SSH2: variants seen among roughly 807,000 people sequenced by gnomAD.
SSH2 encodes protein phosphatase Slingshot homolog 2.
Under a neutral mutation model 135.2 loss-of-function variants are expected in SSH2, and 37 were observed. That is an observed-to-expected ratio of 0.27 (90% CI 0.21 to 0.36). The LOEUF is 0.36. Among genes scored for constraint, SSH2 ranks in the 10% least tolerant of loss-of-function variants. SSH2 has a pLI of 1.00. For missense variants in SSH2, 1,408 were observed against 1,765.3 expected (o/e 0.80, Z 3.63); for synonymous variants, 628 against 646.2 (o/e 0.97, Z 0.43).
intron 1 of SSH2, among the ~76,000 whole-genome samples, chr17:29,861,200 C>A (rs942344227): frequency 2.6e-5 from 4 of 152,062 alleles, no homozygotes; most frequent in South Asian, 4.1e-4. Flanking sequence ...TTGATAGTTT[C>A]TTTTGCTGTG....
chr17:29,649,897 C>T (rs1352708193), intron 13 of SSH2, among the ~76,000 whole-genome samples: 2 of 152,088 alleles, frequency 1.3e-5, no homozygotes, highest in Admixed American at 6.6e-5. Flanking sequence ...ACTTCCTGAC[C>T]GTGAAGGTCC....
chr17:29,790,729 A>AT (rs202130886), intron 3 of SSH2, among the ~76,000 whole-genome samples: 1,896 of 140,794 alleles, frequency 0.013, 22 homozygotes, highest in African/African-American at 0.035. Flanking sequence ...GTACTGAAAG[A>AT]TTTTTTTTTT....
intron 1 of SSH2, among the ~76,000 whole-genome samples, chr17:29,889,318 C>A (rs1017032575): frequency 6.6e-6 from 1 of 152,054 alleles, no homozygotes. Context: ...TGGTGGCACA[C>A]ACCTGTAATC....
In SSH2 at chr17:29,772,435, C is replaced by T. The variant is rs150384024; in HGVS notation, c.188+21459G>A. On this transcript the variant is annotated intron_variant, in intron 3 of 15. Coordinates refer to ENST00000540801, the MANE Select transcript of SSH2 (RefSeq NM_001282129.2). Reference sequence around the variant, plus strand: ...TAATTTTTTGTATTTTTAGTAGAGACGGGGTTTCACCGTGTTAGCCAAAAA... The same window carrying T: ...TAATTTTTTGTATTTTTAGTAGAGATGGGGTTTCACCGTGTTAGCCAAAAA... Among the ~76,000 whole-genome samples the T allele has an allele frequency of 8.3e-3, 1,257 of 151,934 alleles. 18 individuals are homozygous for T. The highest frequency in any genetic ancestry group is 0.029 in the African/African-American group (1,200 of 41,430).
rs34380761 is a variant in SSH2 at position 29,641,937 on chromosome 17, CTTTT to C, written c.1428-5139_1428-5136del. Among the ~76,000 whole-genome samples the C allele has an allele frequency of 3.9e-3, 549 of 139,488 alleles. 4 individuals are homozygous for C. The highest frequency in any genetic ancestry group is 0.014 in the African/African-American group (527 of 37,584). The allele number at this position is 139,488 out of a possible 152,430, so 91.5% of individuals were successfully genotyped here. On this transcript the variant is annotated intron_variant, in intron 14 of 15. Coordinates refer to ENST00000540801, the MANE Select transcript of SSH2 (RefSeq NM_001282129.2). ...CTAGCCTGGGCAATATAGACATTGT[CTTTT>C]TTTTTTTTTTTTTTAAAAAAAGAGG...
At chr17:29,750,438 C>T (rs1489586538) in intron 3 of SSH2, among the ~76,000 whole-genome samples, 1 of 122,986 alleles carries the variant, frequency 8.1e-6, no homozygotes, top group South Asian at 2.6e-4. Context: ...GACTCTGTCT[C>T]AAAAAAAAAA....
chr17:29,795,278 G>A (rs549692407), intron 2 of SSH2, among the ~76,000 whole-genome samples: 2 of 152,246 alleles, frequency 1.3e-5, no homozygotes, highest in African/African-American at 4.8e-5. Context: ...TGATAAGACT[G>A]AAAAAGAATT....
chr17:29,884,314 G>A (rs570253515), intron 1 of SSH2, among the ~76,000 whole-genome samples: 1 of 152,178 alleles, frequency 6.6e-6, no homozygotes, highest in South Asian at 2.1e-4. Context: ...TAAAACTTTT[G>A]GCACACTATT....
chr17:29,669,081 T>C (rs1430666774), intron 9 of SSH2, among the ~76,000 whole-genome samples: 1 of 151,950 alleles, frequency 6.6e-6, no homozygotes, highest in Non-Finnish European at 1.5e-5. Context: ...AAACCCCGTC[T>C]CTACTAAAAA....
chr17:29,762,520 T>A (rs2041347389), intron 3 of SSH2, among the ~76,000 whole-genome samples: 1 of 152,180 alleles, frequency 6.6e-6, no homozygotes, highest in South Asian at 2.1e-4. Flanking sequence ...ACATTTAAGG[T>A]CTAAGCAGAT....
intron 5 of SSH2, among the ~76,000 whole-genome samples, chr17:29,686,935 A>C (rs930932036): frequency 2.0e-5 from 3 of 152,192 alleles, no homozygotes; most frequent in African/African-American, 4.8e-5. Context: ...TCAGCCTCCC[A>C]AAGTGGTGGG....
chr17:29,898,038 T>C (rs1261903787), intron 1 of SSH2, among the ~76,000 whole-genome samples: 1 of 152,078 alleles, frequency 6.6e-6, no homozygotes, highest in Admixed American at 6.6e-5. Flanking sequence ...ACTGGGTACA[T>C]AATGAAATGA....
chr17:29,697,853 G>A (rs202169352), intron 4 of SSH2, among the ~76,000 whole-genome samples: 1 of 152,036 alleles, frequency 6.6e-6, no homozygotes, highest in African/African-American at 2.4e-5. Context: ...AAACCCAAGA[G>A]AAATCAAAAC....
chr17:29,717,240 A>G (rs1214741764), intron 3 of SSH2, among the ~76,000 whole-genome samples: 2 of 152,158 alleles, frequency 1.3e-5, no homozygotes, highest in African/African-American at 4.8e-5. Context: ...GGCTCAAGCA[A>G]TCCTGCCACT....
At chr17:29,643,624 C>T (rs2036255425) in intron 14 of SSH2, among the ~76,000 whole-genome samples, 1 of 152,048 alleles carries the variant, frequency 6.6e-6, no homozygotes, top group Non-Finnish European at 1.5e-5. Context: ...TCCCGAGTAG[C>T]TGGGATTTGT....
chr17:29,786,399 C>T (rs552179095), intron 3 of SSH2, among the ~76,000 whole-genome samples: 2 of 152,184 alleles, frequency 1.3e-5, no homozygotes, highest in South Asian at 4.1e-4. Context: ...CAGGAAGGAA[C>T]CAGCAGGAAT....
intron 3 of SSH2, among the ~76,000 whole-genome samples, chr17:29,763,495 TA>T (rs541851534): frequency 0.025 from 3,367 of 135,340 alleles, 33 homozygotes; most frequent in South Asian, 0.053. Context: ...CTGCTGTGAT[TA>T]AAAAAAAAAA....
At chr17:29,675,313 T>C (rs1842646714) in intron 8 of SSH2, among the ~76,000 whole-genome samples, 1 of 152,144 alleles carries the variant, frequency 6.6e-6, no homozygotes, top group Admixed American at 6.5e-5. Context: ...CCTGGGGTCT[T>C]TTTCAGGCTC....
At chr17:29,913,134 A>G (rs772439650) in intron 1 of SSH2, among the ~76,000 whole-genome samples, 47 of 150,002 alleles carry the variant, frequency 3.1e-4, no homozygotes, top group Non-Finnish European at 4.1e-4. Flanking sequence ...CCTGGCCAAC[A>G]TGATGAAAAT....
Sources: allele counts gnomAD v4.1 joint callset (sites outside exome capture counted in the v4.1 genomes callset), GRCh38; gene constraint gnomAD v4.1.1; transcripts MANE v1.5; gene names NCBI Gene and HGNC (gene_info 2026-07-23, HGNC 2026-07-21).